Variants in ATP2C2 observed in about 807,000 individuals in gnomAD.
ATP2C2 encodes the protein calcium-transporting ATPase type 2C member 2.
Under a neutral mutation model 110.8 loss-of-function variants are expected in ATP2C2, and 171 were observed. That is an observed-to-expected ratio of 1.54 (90% CI 1.36 to 1.75). ATP2C2 has a LOEUF of 1.75. Ranked by LOEUF, ATP2C2 falls within the 40% of genes most tolerant of loss-of-function variation. The pLI, the probability that ATP2C2 is intolerant of heterozygous loss-of-function variation, is 0.00. For synonymous variants in ATP2C2, 804 were observed against 508.4 expected (o/e 1.58, Z -7.82); for missense variants, 1,963 against 1,235.0 (o/e 1.59, Z -8.84).
intron 1 of ATP2C2, among the ~76,000 whole-genome samples, chr16:84,381,463 G>C (rs1910574477): frequency 6.6e-6 from 1 of 152,080 alleles, no homozygotes; most frequent in Non-Finnish European, 1.5e-5. Flanking sequence ...TGTAATCCCA[G>C]CTACTCAGGA....
intron 7 of ATP2C2, among the ~76,000 whole-genome samples, chr16:84,421,878 G>A (rs964824069): frequency 6.6e-6 from 1 of 152,180 alleles, no homozygotes; most frequent in Admixed American, 6.5e-5. Context: ...GGCCTGGTGT[G>A]TAGTCAGTGT....
intron 3 of ATP2C2, among the ~76,000 whole-genome samples, chr16:84,405,812 G>C (rs1231284680): frequency 2.0e-5 from 3 of 152,136 alleles, no homozygotes; most frequent in Non-Finnish European, 2.9e-5. Flanking sequence ...CCCAGCTACT[G>C]AGGAGGCTGA....
chr16:84,398,691 C>T (rs1905138419), intron 2 of ATP2C2, 82 bp downstream of exon 2: 3 of 1,068,196 alleles, frequency 2.8e-6, no homozygotes. Flanking sequence ...CTGAACAGTG[C>T]TTTGAAATTC....
At position 84,408,444 on chromosome 16, in the gene ATP2C2, C is replaced by T. The variant is rs1273800316; in HGVS notation, c.367C>T (p.Leu123=). 4 of 1,613,784 alleles carry T rather than the reference C, an allele frequency of 2.5e-6. No homozygotes were observed. In the Admixed American group the frequency reaches 5.0e-5, roughly 20 times the overall value. The part of the protein sequence containing the change: ...PLILLLLGSA[L]VSVLTKEYED... ...GATCCTGCTGCTGCTGGGCTCTGCC[C>T]TGGTGAGTGTCCTCACCAAGGAGTA... The change falls in exon 4 of 27, where the codon CTG becomes TTG. Residue 123 remains leucine, a synonymous_variant. Transcript: ENST00000262429.
chr16:84,379,274 C>G (rs147850331), intron 1 of ATP2C2, among the ~76,000 whole-genome samples: 2 of 151,730 alleles, frequency 1.3e-5, no homozygotes, highest in East Asian at 3.9e-4. Flanking sequence ...CTCAATCTTT[C>G]TGGGCTGAAG....
chr16:84,379,208 G>A (rs1300744252), intron 1 of ATP2C2, among the ~76,000 whole-genome samples: 7 of 149,694 alleles, frequency 4.7e-5, no homozygotes, highest in African/African-American at 1.7e-4. Context: ...TCCTGATAGG[G>A]TCTTACTCTG....
intron 15 of ATP2C2, among the ~76,000 whole-genome samples, chr16:84,443,559 A>T (rs184459325): frequency 8.7e-4 from 132 of 151,900 alleles, no homozygotes; most frequent in African/African-American, 3.0e-3. Flanking sequence ...CTGGACTTTG[A>T]CCACTCCTGC....
At chr16:84,390,769 T>C (rs1430610696) in intron 1 of ATP2C2, among the ~76,000 whole-genome samples, 2 of 152,122 alleles carry the variant, frequency 1.3e-5, no homozygotes, top group Non-Finnish European at 2.9e-5. Flanking sequence ...AAACAGTTAA[T>C]TTTTTGTTAT....
At chr16:84,437,739 C>T (rs1440606252) in intron 11 of ATP2C2, among the ~76,000 whole-genome samples, 1 of 152,266 alleles carries the variant, frequency 6.6e-6, no homozygotes, top group Non-Finnish European at 1.5e-5. Flanking sequence ...TGGTCTCAAA[C>T]TCCTGACCTC....
chr16:84,400,771 G>T (rs996166950), intron 2 of ATP2C2, among the ~76,000 whole-genome samples: 13 of 152,166 alleles, frequency 8.5e-5, no homozygotes, highest in Non-Finnish European at 1.5e-4. Flanking sequence ...TTTTAACTGT[G>T]ATGAGATGAT....
intron 11 of ATP2C2, among the ~76,000 whole-genome samples, chr16:84,426,382 T>C (rs1015583706): frequency 6.6e-6 from 1 of 152,118 alleles, no homozygotes; most frequent in Non-Finnish European, 1.5e-5. Flanking sequence ...CCTCCAACAC[T>C]GGGGCTTATG....
At chr16:84,450,780 C>T (rs74036206) in intron 17 of ATP2C2, among the ~76,000 whole-genome samples, 21 of 152,248 alleles carry the variant, frequency 1.4e-4, no homozygotes, top group Non-Finnish European at 2.6e-4. Context: ...GGCAAGCTCA[C>T]AGCAAGAGTC....
intron 2 of ATP2C2, among the ~76,000 whole-genome samples, chr16:84,400,674 T>G (rs1286762064): frequency 6.6e-6 from 1 of 152,228 alleles, no homozygotes; most frequent in African/African-American, 2.4e-5. Context: ...CCAGTCATAC[T>G]AATTTACATT....
chr16:84,438,570 G>T (rs74038232), intron 11 of ATP2C2, among the ~76,000 whole-genome samples: 1 of 152,214 alleles, frequency 6.6e-6, no homozygotes, highest in South Asian at 2.1e-4. Context: ...CTGGTTATGA[G>T]AGAGTGGGGT....
At chr16:84,442,649 G>T (rs1202197249) in intron 15 of ATP2C2, 50 bp downstream of exon 15, 1 of 1,559,848 alleles carries the variant, frequency 6.4e-7, no homozygotes, top group South Asian at 1.1e-5. Flanking sequence ...CTCGGGGCTG[G>T]ATTCATTGGT....
intron 10 of ATP2C2, among the ~76,000 whole-genome samples, chr16:84,425,240 T>A (rs1330122665): frequency 1.3e-5 from 2 of 152,218 alleles, no homozygotes; most frequent in South Asian, 4.1e-4. Context: ...CCGTGTCTCG[T>A]ACACCTAGTG....
At chr16:84,381,230 C>T (rs892441866) in intron 1 of ATP2C2, among the ~76,000 whole-genome samples, 1 of 152,172 alleles carries the variant, frequency 6.6e-6, no homozygotes, top group Non-Finnish European at 1.5e-5. Context: ...TTACAAAGTA[C>T]ATTGATCAGT....
chr16:84,435,629 C>A (rs538099123), intron 11 of ATP2C2, among the ~76,000 whole-genome samples: 96 of 152,234 alleles, frequency 6.3e-4, no homozygotes, highest in African/African-American at 2.0e-3. Context: ...AGTTCAAGAC[C>A]AGCCTGGGTA....
chr16:84,372,141 G>A (rs146736892), intron 1 of ATP2C2, among the ~76,000 whole-genome samples: 35 of 152,280 alleles, frequency 2.3e-4, no homozygotes, highest in African/African-American at 7.7e-4. Flanking sequence ...GTCAGAGTGT[G>A]GGCTTTATCC....
Sources: allele counts gnomAD v4.1 joint callset (sites outside exome capture counted in the v4.1 genomes callset), GRCh38; gene constraint gnomAD v4.1.1; transcripts MANE v1.5; gene names NCBI Gene and HGNC (gene_info 2026-07-23, HGNC 2026-07-21).